LRRC49: variants seen among roughly 807,000 people sequenced by gnomAD.
The protein encoded by LRRC49 is leucine-rich repeat-containing protein 49.
Under a neutral mutation model 83.3 loss-of-function variants are expected in LRRC49, and 50 were observed. The ratio of observed to expected loss-of-function variants is 0.60; its 90% CI spans 0.48 to 0.76. The LOEUF (loss-of-function observed/expected upper bound fraction) is 0.76, where lower values mean the gene tolerates loss of function less well. LRRC49 is among the 30% of genes least tolerant of loss of function. LRRC49 has a pLI of 0.00. For missense variants in LRRC49, 704 were observed against 809.1 expected, an observed-to-expected ratio of 0.87 and a Z score of 1.58; for synonymous variants, 286 against 283.3, an observed-to-expected ratio of 1.01 and a Z score of -0.10.
At chr15:70,925,824 G>A (rs2035175449) in intron 7 of LRRC49, among the ~76,000 whole-genome samples, 1 of 152,064 alleles carries the variant, frequency 6.6e-6, no homozygotes, top group Non-Finnish European at 1.5e-5. Context: ...TTTATTGAGG[G>A]ATAATTTAGG....
At chr15:70,854,122 AC>A in intron 1 of LRRC49, 1 of 1,228,328 alleles carries the variant, frequency 8.1e-7, no homozygotes, top group Non-Finnish European at 1.0e-6. Flanking sequence ...CGGGGTCCTC[AC>A]GCCGCAAGGC....
At chr15:70,902,456 T>C (rs2034122337) in intron 4 of LRRC49, 1 of 152,196 alleles carries the variant, frequency 6.6e-6, no homozygotes, top group Admixed American at 6.5e-5. Context: ...GCTTCAAAAG[T>C]TGGTTGTAAA....
At chr15:70,887,314 AG>A (rs1203424054) in intron 2 of LRRC49, among the ~76,000 whole-genome samples, 1 of 152,160 alleles carries the variant, frequency 6.6e-6, no homozygotes, top group African/African-American at 2.4e-5. Flanking sequence ...ATTCCAAGAA[AG>A]AAAAAAACTG....
At chr15:70,929,120 T>C (rs1596030982) in intron 7 of LRRC49, among the ~76,000 whole-genome samples, 1 of 152,212 alleles carries the variant, frequency 6.6e-6, no homozygotes, top group Admixed American at 6.5e-5. Context: ...AGTCCATCCA[T>C]TGAGTTTTTA....
intron 1 of LRRC49, among the ~76,000 whole-genome samples, chr15:70,865,340 A>G (rs2032886386): frequency 6.8e-6 from 1 of 147,352 alleles, no homozygotes; most frequent in East Asian, 2.0e-4. Flanking sequence ...TTCACCTCTC[A>G]GTACTTCAGC....
chr15:70,893,360 A>C, intron 1 of LRRC49: 2 of 585,372 alleles, frequency 3.4e-6, no homozygotes, highest in Non-Finnish European at 6.0e-6. Flanking sequence ...TAGAGGGTTA[A>C]ATTGCTGCCG....
At chr15:70,883,685 G>A (rs1188574392) in intron 2 of LRRC49, among the ~76,000 whole-genome samples, 2 of 144,350 alleles carry the variant, frequency 1.4e-5, no homozygotes, top group African/African-American at 5.2e-5. Context: ...GTCTCCCTCT[G>A]TCACCCAGAC....
chr15:70,978,211 TTA>T lies in LRRC49; in HGVS notation c.922-1889_922-1888del, dbSNP rs755018795. On this transcript the variant is annotated intron_variant, in intron 9 of 15. Coordinates refer to ENST00000260382, the MANE Select transcript of LRRC49 (RefSeq NM_017691.5). ...TAACAGCTTCTCTAACTTCAGTGAA[TTA>T]AAACAACAAAGTTTATTTCAGGCTT... Among the ~76,000 whole-genome samples the T allele has an allele frequency of 1.8e-3, 271 of 152,288 alleles. 1 individual carries two copies. Among genetic ancestry groups the T allele is most frequent in the Non-Finnish European group, 3.2e-3 (215 of 68,030 alleles).
intron 9 of LRRC49, among the ~76,000 whole-genome samples, chr15:70,968,833 GTTTC>G: frequency 6.6e-6 from 1 of 152,146 alleles, no homozygotes. Flanking sequence ...GGGGTTGTTT[GTTTC>G]TTTCTTGTAA....
intron 2 of LRRC49, among the ~76,000 whole-genome samples, chr15:70,885,364 A>G (rs991063321): frequency 5.3e-5 from 8 of 152,366 alleles, no homozygotes; most frequent in African/African-American, 1.7e-4. Context: ...GCATTAAGAC[A>G]TGCCTTTACA....
chr15:70,917,079 G>A (rs1372509522), intron 6 of LRRC49, among the ~76,000 whole-genome samples: 1 of 152,216 alleles, frequency 6.6e-6, no homozygotes, highest in African/African-American at 2.4e-5. Flanking sequence ...TTGGGGCAGT[G>A]CTTACACACC....
rs368509146 is a variant in LRRC49 at position 71,037,303 on chromosome 15, A to G, written c.1828A>G (p.Thr610Ala). The G allele has an allele frequency of 3.7e-6, 6 of 1,602,470 alleles. No individual in the cohort carries two copies. Among genetic ancestry groups the G allele is most frequent in the South Asian group, 1.1e-5 (1 of 88,894 alleles). Residue 610 changes from threonine (T) to alanine (A), a missense_variant, in exon 15 of 16, where the codon ACA becomes GCA. Physicochemically the swap from Thr to Ala is moderately conservative, Grantham distance 58. This residue lies in a region of LRRC49 where 275 missense variants were observed against 338.0 expected (regional missense o/e 0.81). Transcript: ENST00000260382. ...AAATCGTGCTACATTAAATTATACTACAAGAGACTTTTATAATGAAAAGCT... is the reference window on the plus strand; with the variant it reads ...AAATCGTGCTACATTAAATTATACTGCAAGAGACTTTTATAATGAAAAGCT... The part of the protein sequence containing the change: ...NTNRATLNYT[T>A]RDFYNEKLEE...
Position 70,963,822 on chromosome 15 carries a change from C to G in LRRC49, c.811C>G (p.Leu271Val). 6.2e-7 allele frequency: 1 copy of G among 1,613,542 alleles called. No homozygotes were observed. Residue 271 changes from leucine (L) to valine (V), a missense_variant, in exon 9 of 16, where the codon CTC becomes GTC. Physicochemically the swap from Leu to Val is conservative, Grantham distance 32. Transcript: ENST00000260382. ...TTCCTGCCTTGCTGACTCTTCTTCC[C>G]TCTCGGACATCACCTTTGATGGCAA... ...SVSCLADSSS[L>V]SDITFDGNPI...
chr15:70,982,254 A>G (rs2037429193), intron 10 of LRRC49, among the ~76,000 whole-genome samples: 2 of 152,150 alleles, frequency 1.3e-5, no homozygotes, highest in African/African-American at 2.4e-5. Context: ...CCTGCCAGCC[A>G]GAAATCCAAA....
chr15:70,872,923 G>T, exon 2 of LRRC49: 7 of 221,858 alleles, frequency 3.2e-5, no homozygotes, highest in South Asian at 1.4e-4. Flanking sequence ...GTCTCACTCT[G>T]TCGCCTAGGC....
chr15:70,880,286 A>G (rs1039019665), intron 2 of LRRC49, among the ~76,000 whole-genome samples: 2 of 152,174 alleles, frequency 1.3e-5, no homozygotes, highest in African/African-American at 4.8e-5. Flanking sequence ...GTCTTCTTCA[A>G]AGCACTAATC....
intron 8 of LRRC49, among the ~76,000 whole-genome samples, chr15:70,950,180 T>C (rs2036167234): frequency 6.6e-6 from 1 of 152,236 alleles, no homozygotes; most frequent in Non-Finnish European, 1.5e-5. Context: ...ATGGTGTATA[T>C]GTACCACATT....
intron 14 of LRRC49, among the ~76,000 whole-genome samples, chr15:71,026,560 T>C (rs1280608412): frequency 6.6e-6 from 1 of 152,178 alleles, no homozygotes; most frequent in African/African-American, 2.4e-5. Context: ...CACCCCAGCC[T>C]GGGTGACAGA....
In LRRC49 at chr15:70,903,562, A is replaced by T. The variant is rs533422376; in HGVS notation, c.297-990A>T. Among the ~76,000 whole-genome samples, 326 of 152,164 alleles carry T rather than the reference A, an allele frequency of 2.1e-3. 1 individual carries two copies. The highest frequency in any genetic ancestry group is 4.3e-3 in the Admixed American group (66 of 15,290). ...TTTTCTCTTTATCAGGAAGATTCTG[A>T]TCACTGTCATAGTTTCACTTATGCT... On this transcript the variant is annotated intron_variant, in intron 4 of 15. Transcript: ENST00000260382.
Sources: gnomAD v4.1 joint callset for allele counts (sites outside exome capture counted in the v4.1 genomes callset) on GRCh38, gnomAD v4.1.1 for gene constraint, gnomAD v4.1.1 regional missense constraint, MANE v1.5 for transcripts, NCBI Gene and HGNC (gene_info 2026-07-23, HGNC 2026-07-21) for gene names.